SMAD6: variants seen among roughly 807,000 people sequenced by gnomAD.
The protein encoded by SMAD6 is SMAD family member 6.
Under a neutral mutation model 39.4 loss-of-function variants are expected in SMAD6, and 103 were observed. The ratio of observed to expected loss-of-function variants is 2.62; its 90% CI spans 2.23 to 3.08. The LOEUF (loss-of-function observed/expected upper bound fraction) is 3.08, where lower values mean the gene tolerates loss of function less well. Among genes scored for constraint, SMAD6 ranks in the 30% most tolerant of loss-of-function variants. The probability of loss-of-function intolerance (pLI) is 0.00; values close to 1 mark genes in which losing one functional copy is unlikely to be tolerated. For missense variants in SMAD6, 1,104 were observed against 742.9 expected (o/e 1.49, Z -5.65); for synonymous variants, 445 against 353.3 (o/e 1.26, Z -2.91).
intron 1 of SMAD6, among the ~76,000 whole-genome samples, chr15:66,709,597 TGTG>T (rs1364304712): frequency 6.6e-6 from 1 of 152,228 alleles, no homozygotes; most frequent in East Asian, 1.9e-4. Flanking sequence ...CCATGCCATG[TGTG>T]GCCTAGACCT....
chr15:66,735,393 C>T (rs1405141463), intron 3 of SMAD6, among the ~76,000 whole-genome samples: 1 of 152,166 alleles, frequency 6.6e-6, no homozygotes, highest in Non-Finnish European at 1.5e-5. Flanking sequence ...TTTAGAGATG[C>T]ATCATGAAGG....
At chr15:66,756,211 G>T (rs970940267) in intron 3 of SMAD6, among the ~76,000 whole-genome samples, 12 of 152,026 alleles carry the variant, frequency 7.9e-5, no homozygotes, top group African/African-American at 2.2e-4. Context: ...GGAGTGGGGG[G>T]TGCCTGGGAG....
At chr15:66,769,316 C>T (rs749038440) in intron 3 of SMAD6, among the ~76,000 whole-genome samples, 3 of 152,164 alleles carry the variant, frequency 2.0e-5, no homozygotes, top group Non-Finnish European at 4.4e-5. Context: ...GGACAAGGGG[C>T]CCTGCGTTTT....
chr15:66,729,404 G>A (rs1244421609), intron 3 of SMAD6, among the ~76,000 whole-genome samples: 2 of 152,186 alleles, frequency 1.3e-5, no homozygotes, highest in African/African-American at 4.8e-5. Context: ...GCCTTTCACC[G>A]GTAGCCAAAA....
chr15:66,751,306 T>C (rs1201351679), intron 3 of SMAD6, among the ~76,000 whole-genome samples: 1 of 152,110 alleles, frequency 6.6e-6, no homozygotes, highest in East Asian at 1.9e-4. Context: ...AGCCCGTGGC[T>C]CTGGTGAAGC....
rs140570062 is a variant in SMAD6 at position 66,753,934 on chromosome 15, G to A, written c.953-27063G>A. 8.4e-3 allele frequency among the ~76,000 whole-genome samples: 1,281 copies of A among 152,314 alleles called. 9 individuals are homozygous for A. The highest frequency in any genetic ancestry group is 0.014 in the Middle Eastern group (4 of 294). ...CGGAGGCCCCAAGGGGCAGTGTGCA[G>A]GGTGCCTGGGAGCTCAAGTTCAGAT... is the stretch of plus-strand genomic sequence containing the variant. On this transcript the variant is annotated intron_variant, in intron 3 of 3. Coordinates refer to ENST00000288840, the MANE Select transcript of SMAD6 (RefSeq NM_005585.5).
At chr15:66,764,933 C>T (rs537115511) in intron 3 of SMAD6, among the ~76,000 whole-genome samples, 1 of 152,240 alleles carries the variant, frequency 6.6e-6, no homozygotes, top group African/African-American at 2.4e-5. Flanking sequence ...TCAGATTCCA[C>T]CCCTGGGTTT....
intron 3 of SMAD6, among the ~76,000 whole-genome samples, chr15:66,756,257 G>A (rs1894097693): frequency 6.6e-6 from 1 of 151,642 alleles, no homozygotes; most frequent in Non-Finnish European, 1.5e-5. Flanking sequence ...TTTTTTTTTA[G>A]GTTTTATTTT....
At chr15:66,727,577 G>T (rs901564889) in intron 3 of SMAD6, among the ~76,000 whole-genome samples, 1 of 152,134 alleles carries the variant, frequency 6.6e-6, no homozygotes, top group Non-Finnish European at 1.5e-5. Context: ...TCTGGGAATG[G>T]GGAGTGATTC....
At chr15:66,723,909 G>A (rs1893477887) in intron 3 of SMAD6, among the ~76,000 whole-genome samples, 1 of 152,114 alleles carries the variant, frequency 6.6e-6, no homozygotes, top group African/African-American at 2.4e-5. Flanking sequence ...GTTGGGGTGG[G>A]GATGGAGTAT....
intron 3 of SMAD6, among the ~76,000 whole-genome samples, chr15:66,758,850 G>C (rs542728109): frequency 6.6e-6 from 1 of 152,212 alleles, no homozygotes; most frequent in Admixed American, 6.5e-5. Context: ...AAAGGGAATG[G>C]GAAAAGACAT....
intron 3 of SMAD6, among the ~76,000 whole-genome samples, chr15:66,734,086 C>T (rs570245613): frequency 6.6e-6 from 1 of 152,144 alleles, no homozygotes; most frequent in South Asian, 2.1e-4. Flanking sequence ...ACTCCACAGC[C>T]GGGAGGGAGG....
At chr15:66,773,142 T>A (rs1247705161) in intron 3 of SMAD6, among the ~76,000 whole-genome samples, 1 of 145,712 alleles carries the variant, frequency 6.9e-6, no homozygotes, top group African/African-American at 2.5e-5. Flanking sequence ...CGTGATGTAA[T>A]GACCGATTAG....
intron 1 of SMAD6, chr15:66,708,145 C>A (rs1893155454): frequency 6.6e-6 from 1 of 152,458 alleles, no homozygotes; most frequent in Non-Finnish European, 1.5e-5. Context: ...CTTTCTGTCT[C>A]CCTCTCTTTT....
In SMAD6 at chr15:66,778,429, C is replaced by G. The variant is rs78235255; in HGVS notation, c.953-2568C>G. Reference sequence around the variant, plus strand: ...GTGCCCCTGTCCTTCCCCAGCTAGACTCTCCCTTTTTCCATGGGTGGGGCA... The same window carrying G: ...GTGCCCCTGTCCTTCCCCAGCTAGAGTCTCCCTTTTTCCATGGGTGGGGCA... On this transcript the variant is annotated intron_variant, in intron 3 of 3. Coordinates refer to ENST00000288840, the MANE Select transcript of SMAD6 (RefSeq NM_005585.5). Among the ~76,000 whole-genome samples the G allele has an allele frequency of 6.7e-3, 1,025 of 152,314 alleles. 22 individuals are homozygous for G. Among genetic ancestry groups the G allele is most frequent in the African/African-American group, 0.023 (949 of 41,554 alleles).
chr15:66,761,505 A>G (rs1485213967), intron 3 of SMAD6, among the ~76,000 whole-genome samples: 2 of 152,156 alleles, frequency 1.3e-5, no homozygotes, highest in African/African-American at 4.8e-5. Flanking sequence ...CCTTCTACCC[A>G]CAAGAACAAA....
chr15:66,778,031 AG>A (rs1894496050), intron 3 of SMAD6, among the ~76,000 whole-genome samples: 1 of 149,168 alleles, frequency 6.7e-6, no homozygotes, highest in Non-Finnish European at 1.5e-5. Context: ...AACTGAGAGG[AG>A]GGGGATAGGA....
At chr15:66,729,192 C>T (rs1001274274) in intron 3 of SMAD6, among the ~76,000 whole-genome samples, 2 of 152,162 alleles carry the variant, frequency 1.3e-5, no homozygotes, top group African/African-American at 4.8e-5. Flanking sequence ...GGTGGCCATC[C>T]TGCTACTCAG....
intron 3 of SMAD6, among the ~76,000 whole-genome samples, chr15:66,776,044 T>C (rs1894462543): frequency 6.6e-6 from 1 of 152,254 alleles, no homozygotes; most frequent in South Asian, 2.1e-4. Context: ...AATGCACGTA[T>C]GTGTGTGAGA....
Sources: gnomAD v4.1 joint callset for allele counts (sites outside exome capture counted in the v4.1 genomes callset) on GRCh38, gnomAD v4.1.1 for gene constraint, MANE v1.5 for transcripts, NCBI Gene and HGNC (gene_info 2026-07-23, HGNC 2026-07-21) for gene names.